CCDC178: variants seen among roughly 807,000 people sequenced by gnomAD.
CCDC178 encodes the protein coiled-coil domain-containing protein 178.
In CCDC178, 126 loss-of-function variants were observed where a neutral mutation model predicts 117.4. The observed-to-expected ratio is 1.07, with a 90% CI of 0.93 to 1.24. CCDC178 has a LOEUF of 1.24. CCDC178 is among the 50% of genes most tolerant of loss of function. CCDC178 has a pLI of 0.00. For missense variants in CCDC178, 1,030 were observed against 986.9 expected (o/e 1.04, Z -0.59); for synonymous variants, 283 against 313.4 (o/e 0.90, Z 1.02).
At chr18:33,323,410 T>G (rs1480084997) in intron 11 of CCDC178, 81 bp downstream of exon 11, 6 of 890,418 alleles carry the variant, frequency 6.7e-6, no homozygotes, top group Non-Finnish European at 7.6e-6. Context: ...ATCTAAATTT[T>G]CTATATAGAA....
chr18:32,980,593 A>AG (rs1491122400), intron 21 of CCDC178, among the ~76,000 whole-genome samples: 1 of 128,524 alleles, frequency 7.8e-6, no homozygotes, highest in Non-Finnish European at 1.7e-5. Context: ...AAAAAAAAAA[A>AG]GCCCCTATAA....
chr18:33,080,545 C>T (rs866882907), intron 21 of CCDC178, among the ~76,000 whole-genome samples: 2 of 152,232 alleles, frequency 1.3e-5, no homozygotes, highest in African/African-American at 2.4e-5. Context: ...TCCCACGAGG[C>T]CATCAGAAAG....
chr18:33,309,939 TTTTATTTATTTATTTATTTATTTATTTA>T (rs138569090), intron 11 of CCDC178, among the ~76,000 whole-genome samples: 5 of 141,198 alleles, frequency 3.5e-5, no homozygotes, highest in Admixed American at 2.1e-4. Flanking sequence ...TTTTCTTTTC[TTTTATTTATTTATTTATTTATTTATTTA>T]TTTATTTATT....
intron 21 of CCDC178, among the ~76,000 whole-genome samples, chr18:32,999,925 A>G (rs1285550154): frequency 6.6e-6 from 1 of 152,114 alleles, no homozygotes; most frequent in Non-Finnish European, 1.5e-5. Context: ...ATAAATAATT[A>G]ACTCTGCAAT....
chr18:33,011,382 A>C (rs1001609457), intron 21 of CCDC178, among the ~76,000 whole-genome samples: 2 of 152,158 alleles, frequency 1.3e-5, no homozygotes, highest in South Asian at 4.1e-4. Flanking sequence ...AGCCATTTGC[A>C]TCTGAGGAAG....
chr18:33,016,711 A>T (rs1052267448), intron 21 of CCDC178, among the ~76,000 whole-genome samples: 1 of 152,036 alleles, frequency 6.6e-6, no homozygotes, highest in Non-Finnish European at 1.5e-5. Flanking sequence ...TTATAAGCAA[A>T]GATGTTACTT....
intron 20 of CCDC178, among the ~76,000 whole-genome samples, chr18:33,203,886 T>C (rs940673552): frequency 2.0e-5 from 3 of 152,226 alleles, no homozygotes; most frequent in Admixed American, 1.3e-4. Flanking sequence ...CAAATGTCTA[T>C]AAGACTAACT....
At position 33,245,294 on chromosome 18, in the gene CCDC178, T is replaced by C. The variant is rs371328695; in HGVS notation, c.1544A>G (p.Lys515Arg). Residue 515 changes from lysine to arginine, a missense_variant, in exon 15 of 23, where the codon AAG becomes AGG. Lys to Arg is a conservative substitution (Grantham distance 26). Transcript: ENST00000383096. The part of the protein sequence containing the change: ...IGTLFHLTKH[K>R]TDEMEDKIAE... ...TATTTTATCTTCCATTTCATCTGTC[T>C]TGTGTTTGGTTAGGTGGAAAAGAGT... 3.9e-5 allele frequency: 62 copies of C among 1,604,678 alleles called. 2 individuals are homozygous for C. Among genetic ancestry groups the C allele is most frequent in the South Asian group, 2.4e-4 (21 of 88,700 alleles).
intron 21 of CCDC178, among the ~76,000 whole-genome samples, chr18:33,071,650 T>G (rs1302318520): frequency 1.3e-5 from 2 of 152,124 alleles, no homozygotes; most frequent in Non-Finnish European, 2.9e-5. Context: ...CTTTGTCATA[T>G]TCTCATTGGG....
chr18:32,991,155 T>C (rs1281094884), intron 21 of CCDC178, among the ~76,000 whole-genome samples: 1 of 152,160 alleles, frequency 6.6e-6, no homozygotes, highest in East Asian at 1.9e-4. Context: ...AAAAGATTCT[T>C]AGTAGCAAGA....
intron 20 of CCDC178, among the ~76,000 whole-genome samples, chr18:33,131,863 C>G (rs183121053): frequency 6.6e-6 from 1 of 151,870 alleles, no homozygotes; most frequent in Admixed American, 6.6e-5. Flanking sequence ...CAAATATTAA[C>G]TTTTTATATT....
intron 7 of CCDC178, among the ~76,000 whole-genome samples, chr18:33,349,325 A>G (rs1042390306): frequency 9.2e-5 from 14 of 151,954 alleles, no homozygotes; most frequent in African/African-American, 3.4e-4. Context: ...ATTTCAGTTC[A>G]GTAGTGCCTG....
chr18:32,975,958 T>C (rs1339169888), intron 21 of CCDC178, among the ~76,000 whole-genome samples: 2 of 152,166 alleles, frequency 1.3e-5, no homozygotes, highest in Non-Finnish European at 2.9e-5. Flanking sequence ...TGGTATTGCA[T>C]GTAAATTGTT....
At chr18:33,013,439 C>T (rs958526379) in intron 21 of CCDC178, among the ~76,000 whole-genome samples, 14 of 152,102 alleles carry the variant, frequency 9.2e-5, no homozygotes, top group Non-Finnish European at 1.6e-4. Flanking sequence ...TCAGTATTTA[C>T]TTCTACTTAT....
chr18:33,333,958 A>C (rs552344459), intron 9 of CCDC178, among the ~76,000 whole-genome samples: 61 of 152,314 alleles, frequency 4.0e-4, no homozygotes, highest in African/African-American at 1.4e-3. Flanking sequence ...GTATATTCTG[A>C]CCATTCTATA....
chr18:33,226,916 T>G, intron 15 of CCDC178, 61 bp from the exon 16 acceptor site: 2 of 842,460 alleles, frequency 2.4e-6, no homozygotes, highest in East Asian at 2.7e-5. Flanking sequence ...AAACATTTTT[T>G]AAAACAATTG....
chr18:33,338,909 T>C lies in CCDC178; in HGVS notation c.659-5515A>G, dbSNP rs560358320. Among the ~76,000 whole-genome samples the C allele has an allele frequency of 2.0e-5, 3 of 152,132 alleles. No individual in the cohort carries two copies. The South Asian group carries it at 6.2e-4, about 32-fold the overall frequency. ...ATAAAATAAATAAATAAATAAAATT[T>C]CCTAGTAAAATATAATTAAATTAGC... On this transcript the variant is annotated intron_variant, in intron 9 of 22. Transcript: ENST00000383096.
At chr18:33,230,345 G>A (rs954776672) in intron 15 of CCDC178, among the ~76,000 whole-genome samples, 2 of 152,012 alleles carry the variant, frequency 1.3e-5, no homozygotes, top group African/African-American at 4.8e-5. Context: ...GAGGTCTAAG[G>A]TCATGGAATT....
rs183214564 is a variant in CCDC178, at chr18:33,003,056, G to C, written c.2389-28375C>G. Among the ~76,000 whole-genome samples, 1,098 of 152,194 alleles carry C rather than the reference G, an allele frequency of 7.2e-3. 5 individuals are homozygous for C. Among genetic ancestry groups the C allele is most frequent in the Non-Finnish European group, 0.013 (905 of 67,960 alleles). On this transcript the variant is annotated intron_variant, in intron 21 of 22. Coordinates refer to ENST00000383096, the MANE Select transcript of CCDC178 (RefSeq NM_001105528.4). ...ATAAAAAGTCTCCCAGCAAAGAAAA[G>C]CCTGGGACCTGATGGCACCACTGCT...
Sources: allele counts gnomAD v4.1 joint callset (sites outside exome capture counted in the v4.1 genomes callset), GRCh38; gene constraint gnomAD v4.1.1; transcripts MANE v1.5; gene names NCBI Gene and HGNC (gene_info 2026-07-23, HGNC 2026-07-21).